The following PREX2 variants were observed in gnomAD, a reference collection of about 807,000 sequenced individuals.
The protein encoded by PREX2 is phosphatidylinositol-3,4,5-trisphosphate dependent Rac exchange factor 2.
In PREX2, 107 loss-of-function variants were observed where a neutral mutation model predicts 203.2. The observed-to-expected ratio is 0.53, with a 90% confidence interval of 0.45 to 0.62. The LOEUF is 0.62. Among genes scored for constraint, PREX2 ranks in the 20% least tolerant of loss-of-function variants. The pLI is 0.00. For missense variants in PREX2, 1,777 were observed against 1,955.9 expected, an observed-to-expected ratio of 0.91 and a Z score of 1.72; for synonymous variants, 672 against 663.6, an observed-to-expected ratio of 1.01 and a Z score of -0.19.
chr8:67,993,854 A>G (rs1806683088), intron 1 of PREX2, among the ~76,000 whole-genome samples: 1 of 152,206 alleles, frequency 6.6e-6, no homozygotes, highest in African/African-American at 2.4e-5. Context: ...AAAAAAATAT[A>G]TGAGCCAAAG....
rs565869234 is a variant in PREX2, at chr8:68,169,278, G to A, written c.4346+11842G>A. On this transcript the variant is annotated intron_variant, in intron 35 of 39. Coordinates refer to ENST00000288368, the MANE Select transcript of PREX2 (RefSeq NM_024870.4). ...AGGCAATCAGCCAGACCCAGGCCACGCACCCATTCCTGGGTGGGCTTGGCA... is the reference window on the plus strand; with the variant it reads ...AGGCAATCAGCCAGACCCAGGCCACACACCCATTCCTGGGTGGGCTTGGCA... Among the ~76,000 whole-genome samples the A allele has an allele frequency of 3.3e-5, 5 of 152,144 alleles. No individual in the cohort carries two copies. In the South Asian group the frequency reaches 6.2e-4, roughly 19 times the overall value.
chr8:67,994,343 C>G (rs1236426712), intron 1 of PREX2, among the ~76,000 whole-genome samples: 1 of 152,214 alleles, frequency 6.6e-6, no homozygotes, highest in African/African-American at 2.4e-5. Context: ...AGGCATTTCA[C>G]ACTGGCATGG....
At chr8:67,965,497 G>A (rs568328519) in intron 1 of PREX2, among the ~76,000 whole-genome samples, 2 of 150,600 alleles carry the variant, frequency 1.3e-5, no homozygotes, top group African/African-American at 4.9e-5. Flanking sequence ...GAGTGTATAT[G>A]TATATATATA....
In PREX2 at chr8:68,108,240, A is replaced by C. The variant is rs759476733; in HGVS notation, c.2847A>C (p.Lys949Asn). 1 of 1,614,016 alleles carries C rather than the reference A, an allele frequency of 6.2e-7. No individual in the cohort carries two copies. The highest frequency in any genetic ancestry group is 1.1e-5 in the South Asian group (1 of 91,078). ...ATGTGATGGAAGTTTCTTATCCCAA[A>C]ACATCAACCTCTTTGGGAAGTGCAT... Reference protein sequence around the residue: ...HVNVMEVSYPKTSTSLGSAFG... With the variant: ...HVNVMEVSYPNTSTSLGSAFG... Residue 949 changes from lysine (K) to asparagine (N), a missense_variant, in exon 24 of 40, where the codon AAA (lysine) becomes AAC (asparagine). By Grantham distance (94) the Lys-to-Asn change is moderately conservative. Coordinates refer to ENST00000288368, the MANE Select transcript of PREX2 (RefSeq NM_024870.4).
At chr8:68,178,857 A>G (rs1242287152) in intron 35 of PREX2, among the ~76,000 whole-genome samples, 1 of 152,220 alleles carries the variant, frequency 6.6e-6, no homozygotes, top group Non-Finnish European at 1.5e-5. Flanking sequence ...ATAAAATCCC[A>G]GTGAAGTTGT....
rs1209766262 is a variant in PREX2, at chr8:68,097,011, T to C, written c.2369-6T>C. On this transcript the variant is annotated splice_region_variant and splice_polypyrimidine_tract_variant and intron_variant, in intron 21 of 39. Transcript: ENST00000288368. ...ATTTACTGAGTTACAGTTGTCTTTG[T>C]TCCAGAGGTTATTGACAAATTCAAC... 2.5e-6 allele frequency: 4 copies of C among 1,611,464 alleles called. No individual in the cohort carries two copies. Among genetic ancestry groups the C allele is most frequent in the Non-Finnish European group, 3.4e-6 (4 of 1,177,946 alleles).
intron 1 of PREX2, among the ~76,000 whole-genome samples, chr8:67,987,512 G>T (rs1243202157): frequency 6.6e-6 from 1 of 152,110 alleles, no homozygotes; most frequent in African/African-American, 2.4e-5. Flanking sequence ...GCATGAAGTT[G>T]CAGCTGGCAT....
chr8:68,222,454 A>G (rs940863259), intron 38 of PREX2, among the ~76,000 whole-genome samples: 4 of 151,730 alleles, frequency 2.6e-5, no homozygotes, highest in African/African-American at 9.7e-5. Context: ...AAAAAAATGT[A>G]TATAAGTATT....
At chr8:67,982,074 T>C (rs1585675548) in intron 1 of PREX2, among the ~76,000 whole-genome samples, 2 of 152,164 alleles carry the variant, frequency 1.3e-5, no homozygotes, top group East Asian at 3.8e-4. Flanking sequence ...AGCTGCAACA[T>C]TTTCTAGCTG....
rs116744453 is a variant in PREX2 at position 68,198,033 on chromosome 8, C to T, written c.4604+5508C>T. On this transcript the variant is annotated intron_variant, in intron 37 of 39. Transcript: ENST00000288368. ...ATTAATCTAAAAGAAAAAAGCCAAA[C>T]GCTTAGATAAAATCACTGTGTCAAA... 7.4e-3 allele frequency among the ~76,000 whole-genome samples: 1,127 copies of T among 151,918 alleles called. 13 individuals carry two copies. Among genetic ancestry groups the T allele is most frequent in the African/African-American group, 0.026 (1,058 of 41,464 alleles).
At chr8:68,105,567 T>A (rs1175849630) in intron 23 of PREX2, 2 of 1,098,142 alleles carry the variant, frequency 1.8e-6, no homozygotes, top group Non-Finnish European at 2.2e-6. Flanking sequence ...CATTTCCTTT[T>A]CAGCTTGTAC....
chr8:68,217,673 G>C lies in PREX2; in HGVS notation c.4662G>C (p.Leu1554=). Reference sequence around the variant, plus strand: ...TCATTCTGGCCAGAAGCCACGGACTGCCACCTCGTTACATCATGCAGGCTA... The same window carrying C: ...TCATTCTGGCCAGAAGCCACGGACTCCCACCTCGTTACATCATGCAGGCTA... ...QAIILARSHG[L]PPRYIMQATD... is the part of the protein sequence containing the mutation. Residue 1554 remains leucine (L), a synonymous_variant, in exon 38 of 40, where the codon CTG becomes CTC. Transcript: ENST00000288368. 1 of 1,614,106 alleles carries C rather than the reference G, an allele frequency of 6.2e-7. No homozygotes were observed. The highest frequency in any genetic ancestry group is 8.5e-7 in the Non-Finnish European group (1 of 1,179,970).
At chr8:68,121,821 G>A (rs944424275) in intron 30 of PREX2, among the ~76,000 whole-genome samples, 2 of 152,140 alleles carry the variant, frequency 1.3e-5, no homozygotes, top group Non-Finnish European at 2.9e-5. Context: ...GGCCAGGGAT[G>A]CTGCTGAACA....
chr8:68,098,397 C>CT (rs1810152522), intron 22 of PREX2, among the ~76,000 whole-genome samples: 1 of 151,954 alleles, frequency 6.6e-6, no homozygotes, highest in African/African-American at 2.4e-5. Flanking sequence ...ATTATTTTAT[C>CT]TTTTGGTTTT....
intron 31 of PREX2, among the ~76,000 whole-genome samples, chr8:68,133,710 A>G (rs2129613394): frequency 6.6e-6 from 1 of 152,350 alleles, no homozygotes; most frequent in South Asian, 2.1e-4. Flanking sequence ...GGAAAATGTC[A>G]TTGCAGCAAA....
chr8:68,020,317 T>C (rs1420787906), intron 3 of PREX2, among the ~76,000 whole-genome samples: 3 of 102,284 alleles, frequency 2.9e-5, no homozygotes, highest in African/African-American at 1.2e-4. Context: ...TTTTCAGAAC[T>C]AAAGGGCATT....
chr8:68,031,986 T>C (rs1311199254), intron 6 of PREX2, among the ~76,000 whole-genome samples: 1 of 152,222 alleles, frequency 6.6e-6, no homozygotes, highest in Non-Finnish European at 1.5e-5. Context: ...TAATTTTGTT[T>C]CATCCTGGTG....
intron 10 of PREX2, among the ~76,000 whole-genome samples, chr8:68,060,422 C>T (rs1808812624): frequency 6.6e-6 from 1 of 152,166 alleles, no homozygotes; most frequent in African/African-American, 2.4e-5. Flanking sequence ...TATTAGAGGC[C>T]TCAACAAGTT....
At chr8:68,154,528 G>A (rs1050392279) in intron 34 of PREX2, among the ~76,000 whole-genome samples, 3 of 152,202 alleles carry the variant, frequency 2.0e-5, no homozygotes, top group African/African-American at 7.2e-5. Flanking sequence ...ACTATTGACA[G>A]ACTGAATCCT....
Sources: gnomAD v4.1 joint callset for allele counts (sites outside exome capture counted in the v4.1 genomes callset) on GRCh38, gnomAD v4.1.1 for gene constraint, MANE v1.5 for transcripts, NCBI Gene and HGNC (gene_info 2026-07-23, HGNC 2026-07-21) for gene names.